BDP1: variants seen among roughly 807,000 people sequenced by gnomAD.
BDP1 encodes transcription factor TFIIIB component B'' homolog.
A neutral mutation model predicts 266.6 loss-of-function variants in BDP1; 169 were observed. The observed-to-expected ratio is 0.63, with a 90% confidence interval of 0.56 to 0.72. BDP1 has a LOEUF of 0.72. Among genes scored for constraint, BDP1 ranks in the 30% least tolerant of loss-of-function variants. BDP1 has a pLI of 0.00. For missense variants in BDP1, 3,015 were observed against 3,053.8 expected, an observed-to-expected ratio of 0.99 and a Z score of 0.30; for synonymous variants, 1,090 against 1,022.4, an observed-to-expected ratio of 1.07 and a Z score of -1.26.
rs1402601561 is a variant in BDP1 at position 71,533,623 on chromosome 5, GC to G, written c.5892+1199del. 6.6e-5 allele frequency among the ~76,000 whole-genome samples: 10 copies of G among 151,822 alleles called. No individual in the cohort carries two copies. In the East Asian group the frequency reaches 1.9e-3, roughly 29 times the overall value. ...TGGGACTGCAGGTGTGTGCCACCAT[GC>G]CCAGCTAATTTTTTTTTTTTGTAGA... On this transcript the variant is annotated intron_variant, in intron 26 of 38. Coordinates refer to ENST00000358731, the MANE Select transcript of BDP1 (RefSeq NM_018429.3).
intron 29 of BDP1, 108 bp downstream of exon 29, chr5:71,541,790 C>G (rs1252490550): frequency 2.8e-6 from 2 of 703,460 alleles, no homozygotes; most frequent in Non-Finnish European, 4.5e-6. Context: ...ATTTCTTACC[C>G]TTTAAAGATA....
rs1005157757 is a variant in BDP1 at position 71,567,542 on chromosome 5, C to T, written c.*2657C>T. On this transcript the variant is annotated 3_prime_UTR_variant, in exon 39 of 39. Coordinates refer to ENST00000358731, the MANE Select transcript of BDP1 (RefSeq NM_018429.3). ...AGGAGATATGAGTAAAAGTTTTTAT[C>T]TTTTCTTGACTTTTTCTCCTGAACA... The T allele has an allele frequency of 6.6e-6, 1 of 152,450 alleles. No individual in the cohort carries two copies. Among genetic ancestry groups the T allele is most frequent in the Non-Finnish European group, 1.5e-5 (1 of 67,986 alleles). The allele number at this position is 152,450 out of a possible 1,614,324, so 9.4% of individuals were successfully genotyped here.
chr5:71,537,811 G>A (rs975743601), intron 26 of BDP1: 6 of 163,756 alleles, frequency 3.7e-5, no homozygotes, highest in African/African-American at 9.7e-5. Flanking sequence ...TTCCTTCACC[G>A]CCCTTCTGCT....
Position 71,553,209 on chromosome 5 carries a change from T to A in BDP1, c.7089T>A (p.Asp2363Glu). ...CTAAAAAGCCGCCTGATAATTTGGA[T>A]CTTGTATCTAGGAAGAGATTTCAAT... ...DNSKKPPDNLDLVSRKRFQCR... is the reference protein window; with the variant it reads ...DNSKKPPDNLELVSRKRFQCR... Residue 2363 changes from aspartate to glutamate, a missense_variant, in exon 35 of 39, where the codon GAT becomes GAA. By Grantham distance (45) the Asp-to-Glu change is conservative. Around this residue, in one of 3 missense-constraint regions of BDP1, gnomAD observed 629 missense variants for 632.5 expected, o/e 0.99. Coordinates refer to ENST00000358731, the MANE Select transcript of BDP1 (RefSeq NM_018429.3). 1 of 1,613,352 alleles carries A rather than the reference T, an allele frequency of 6.2e-7. No individual in the cohort carries two copies. The highest frequency in any genetic ancestry group is 1.1e-5 in the South Asian group (1 of 91,048).
chr5:71,561,716 G>A (rs1183435460), intron 37 of BDP1, among the ~76,000 whole-genome samples: 1 of 152,218 alleles, frequency 6.6e-6, no homozygotes, highest in Non-Finnish European at 1.5e-5. Context: ...GCTACTCAGA[G>A]TGTAGTCCTG....
intron 30 of BDP1, 62 bp from the exon 31 acceptor site, chr5:71,544,295 C>G: frequency 6.8e-7 from 1 of 1,462,926 alleles, no homozygotes; most frequent in Non-Finnish European, 9.3e-7. Context: ...GCATATGTTT[C>G]TAATACAGGG....
At chr5:71,536,075 T>C (rs1766579842) in intron 26 of BDP1, among the ~76,000 whole-genome samples, 1 of 152,200 alleles carries the variant, frequency 6.6e-6, no homozygotes, top group South Asian at 2.1e-4. Context: ...GAACCTATAG[T>C]TCAAAGTTTA....
chr5:71,466,158 G>C lies in BDP1; in HGVS notation c.722G>C (p.Gly241Ala). 6.2e-7 allele frequency: 1 copy of C among 1,613,628 alleles called. No homozygotes were observed. Among genetic ancestry groups the C allele is most frequent in the Non-Finnish European group, 8.5e-7 (1 of 1,179,690 alleles). The change falls in exon 5 of 39, where the codon GGG (glycine) becomes GCG (alanine). Residue 241 changes from glycine to alanine, a missense_variant. Coordinates refer to ENST00000358731, the MANE Select transcript of BDP1 (RefSeq NM_018429.3). ...DNEMEEETDD[G>A]PLLVPRVKVA... Reference sequence around the variant, plus strand: ...GAAATGGAAGAAGAGACAGATGATGGGCCATTACTGGTTCCTCGAGTAAAA... The same window carrying C: ...GAAATGGAAGAAGAGACAGATGATGCGCCATTACTGGTTCCTCGAGTAAAA...
intron 25 of BDP1, among the ~76,000 whole-genome samples, chr5:71,527,553 A>T (rs921156712): frequency 6.6e-6 from 1 of 152,098 alleles, no homozygotes; most frequent in Non-Finnish European, 1.5e-5. Flanking sequence ...CATTTAGCAT[A>T]ATGTTTTCAC....
At chr5:71,541,746 G>C (rs1424465779) in intron 29 of BDP1, 64 bp downstream of exon 29, 5 of 1,008,822 alleles carry the variant, frequency 5.0e-6, no homozygotes, top group Non-Finnish European at 5.7e-6. Flanking sequence ...TAATAGCTTT[G>C]AGTAATGCTT....
intron 7 of BDP1, chr5:71,476,011 C>T (rs1762557239): frequency 1.3e-5 from 2 of 152,862 alleles, no homozygotes; most frequent in African/African-American, 2.4e-5. Context: ...ATTCATTCTT[C>T]ACCTTAAAGG....
intron 17 of BDP1, 120 bp downstream of exon 17, chr5:71,511,271 T>A: frequency 1.0e-6 from 1 of 976,018 alleles, no homozygotes; most frequent in Non-Finnish European, 1.5e-6. Flanking sequence ...AAGTCTAAAG[T>A]CTTTTGTAGC....
chr5:71,513,442 GTTTTT>G (rs34587827), intron 19 of BDP1, 35 bp downstream of exon 19: 2 of 933,006 alleles, frequency 2.1e-6, no homozygotes, highest in African/African-American at 1.8e-5. Context: ...CTGTGTGGGT[GTTTTT>G]TTTTTTTTTT....
intron 22 of BDP1, 124 bp downstream of exon 22, chr5:71,517,576 T>C (rs1765287204): frequency 5.2e-6 from 4 of 770,030 alleles, no homozygotes; most frequent in Non-Finnish European, 8.0e-6. Context: ...AAGTAATAAA[T>C]ACTTGTGATA....
Position 71,464,112 on chromosome 5 carries a change from A to G in BDP1, c.654A>G (p.Thr218=), listed in dbSNP as rs764848437. 4 of 1,562,816 alleles carry G rather than the reference A, an allele frequency of 2.6e-6. No individual in the cohort carries two copies. Among genetic ancestry groups the G allele is most frequent in the East Asian group, 4.5e-5 (2 of 44,250 alleles). The change falls in exon 4 of 39, where the codon ACA becomes ACG. Residue 218 remains threonine (T), a synonymous_variant. Coordinates refer to ENST00000358731, the MANE Select transcript of BDP1 (RefSeq NM_018429.3). Reference sequence around the variant, plus strand: ...AAAAGCCATCGACTCCAGTCCAGACAAGAGAGTAAGTATTTTATTTTTGAA... The same window carrying G: ...AAAAGCCATCGACTCCAGTCCAGACGAGAGAGTAAGTATTTTATTTTTGAA... The part of the protein sequence containing the change: ...KTEKPSTPVQ[T]REQEGKSTPN...
At chr5:71,494,166 A>G (rs1342919291) in intron 11 of BDP1, among the ~76,000 whole-genome samples, 1 of 152,214 alleles carries the variant, frequency 6.6e-6, no homozygotes. Flanking sequence ...TTTTATGTGT[A>G]ATATCTAGAC....
chr5:71,577,782 T>C, the BDP1 span, among the ~76,000 whole-genome samples: 1 of 152,140 alleles, frequency 6.6e-6, no homozygotes, highest in Non-Finnish European at 1.5e-5. Flanking sequence ...ATCTTATATA[T>C]AGTTCTTGGA....
intron 8 of BDP1, among the ~76,000 whole-genome samples, chr5:71,486,275 G>C (rs1344607313): frequency 1.3e-5 from 2 of 151,828 alleles, no homozygotes; most frequent in Non-Finnish European, 2.9e-5. Context: ...TATTTGTTTC[G>C]TTGCTGAGTG....
chr5:71,563,670 T>C (rs1418967488), intron 38 of BDP1, among the ~76,000 whole-genome samples: 2 of 152,062 alleles, frequency 1.3e-5, no homozygotes, highest in East Asian at 3.9e-4. Context: ...CCCAGCACTT[T>C]GGGAGGCCAA....
Sources: allele counts gnomAD v4.1 joint callset (sites outside exome capture counted in the v4.1 genomes callset), GRCh38; gene constraint gnomAD v4.1.1; regional missense constraint gnomAD v4.1.1; transcripts MANE v1.5; gene names NCBI Gene and HGNC (gene_info 2026-07-23, HGNC 2026-07-21).